Variants in ZFHX3 observed in about 807,000 individuals in gnomAD.
ZFHX3 encodes the protein zinc finger homeobox 3.
Under a neutral mutation model 279.1 loss-of-function variants are expected in ZFHX3, and 42 were observed. The ratio of observed to expected loss-of-function variants is 0.15; its 90% CI spans 0.12 to 0.19. The LOEUF (loss-of-function observed/expected upper bound fraction) is 0.19. Ranked by LOEUF, ZFHX3 falls within the 10% of genes least tolerant of loss-of-function variation. ZFHX3 has a pLI of 1.00. For missense variants in ZFHX3, 4,981 were observed against 4,754.0 expected (o/e 1.05, Z -1.40); for synonymous variants, 2,293 against 1,957.8 (o/e 1.17, Z -4.52).
In ZFHX3 at chr16:73,614,438, C is replaced by T. The variant is rs535265604; in HGVS notation, c.-1547+65742G>A. 1.1e-4 allele frequency among the ~76,000 whole-genome samples: 17 copies of T among 152,212 alleles called. No homozygotes were observed. In the South Asian group the frequency reaches 3.5e-3, roughly 32 times the overall value. On this transcript the variant is annotated intron_variant, in intron 2 of 17. Transcript: ENST00000641206. ...GTTGGTTTTTTGAAAGATGTAAATA[C>T]CATTTGGTCCCCTTTTTTCTCCTTT...
At chr16:73,619,577 C>T (rs2052338681) in intron 2 of ZFHX3, among the ~76,000 whole-genome samples, 1 of 151,452 alleles carries the variant, frequency 6.6e-6, no homozygotes, top group Admixed American at 6.6e-5. Flanking sequence ...CTCAGAGAGT[C>T]AATGTTCTTT....
At chr16:72,814,888 C>A (rs2036559701) in intron 5 of ZFHX3, among the ~76,000 whole-genome samples, 2 of 152,192 alleles carry the variant, frequency 1.3e-5, no homozygotes, top group Non-Finnish European at 2.9e-5. Flanking sequence ...CTGCAGCTCA[C>A]TGGCCCCTTC....
rs1476430151 is a variant in ZFHX3 at position 72,788,168 on chromosome 16, T to G, written c.10108A>C (p.Ser3370Arg). 1 of 1,612,400 alleles carries G rather than the reference T, an allele frequency of 6.2e-7. No homozygotes were observed. The highest frequency in any genetic ancestry group is 8.5e-7 in the Non-Finnish European group (1 of 1,179,352). ...TGCTGCTGAATTGCCTCCTGCAGAC[T>G]CTGCTGGTATTGCTGGTACTGCTGC... is the stretch of plus-strand genomic sequence containing the variant. ...LLQQYQQYQQ[S>R]LQEAIQQQQQ... The change falls in exon 10 of 10, where the codon AGT (serine) becomes CGT (arginine). Residue 3370 changes from serine (S) to arginine (R), a missense_variant. Physicochemically the swap from Ser to Arg is moderately radical, Grantham distance 110 (BLOSUM62 -1). Transcript: ENST00000268489.
intron 1 of ZFHX3, among the ~76,000 whole-genome samples, chr16:73,026,150 T>C (rs529924421): frequency 1.0e-3 from 122 of 122,144 alleles, no homozygotes; most frequent in Middle Eastern, 9.3e-3. Flanking sequence ...AGTTCGAGAA[T>C]AGCCTGGCCA....
At chr16:72,847,054 G>A (rs769759857) in intron 4 of ZFHX3, among the ~76,000 whole-genome samples, 2 of 152,120 alleles carry the variant, frequency 1.3e-5, no homozygotes, top group African/African-American at 2.4e-5. Flanking sequence ...TAGTTACTGC[G>A]GTGCAAATGC....
chr16:73,562,657 A>G (rs992112871), intron 2 of ZFHX3, among the ~76,000 whole-genome samples: 1 of 151,786 alleles, frequency 6.6e-6, no homozygotes, highest in East Asian at 1.9e-4. Flanking sequence ...GTCTCACCAG[A>G]GAAGGCAGAG....
chr16:73,749,128 A>T (rs1021473046), intron 1 of ZFHX3, among the ~76,000 whole-genome samples: 2 of 152,040 alleles, frequency 1.3e-5, no homozygotes, highest in African/African-American at 4.8e-5. Context: ...TCAGCCTTCC[A>T]AATACACTAG....
At chr16:72,988,849 G>A (rs1172974617) in intron 1 of ZFHX3, among the ~76,000 whole-genome samples, 1 of 152,088 alleles carries the variant, frequency 6.6e-6, no homozygotes, top group Non-Finnish European at 1.5e-5. Flanking sequence ...AATACTGATG[G>A]CATCATCTTG....
chr16:73,835,709 G>C (rs1045815936), intron 1 of ZFHX3, among the ~76,000 whole-genome samples: 5 of 151,902 alleles, frequency 3.3e-5, no homozygotes, highest in African/African-American at 7.3e-5. Flanking sequence ...GACCTCAGGA[G>C]ATCCACCTGC....
At chr16:73,599,306 G>A (rs984521603) in intron 2 of ZFHX3, among the ~76,000 whole-genome samples, 8 of 152,182 alleles carry the variant, frequency 5.3e-5, no homozygotes, top group African/African-American at 1.4e-4. Context: ...CCATCAGTGT[G>A]GATGTCCTCT....
intron 5 of ZFHX3, among the ~76,000 whole-genome samples, chr16:73,187,146 A>T (rs189160744): frequency 5.5e-5 from 8 of 146,590 alleles, no homozygotes; most frequent in African/African-American, 7.6e-5. Flanking sequence ...TGTATGTCTC[A>T]CACACACACA....
At chr16:73,031,438 T>C (rs1964695697) in intron 1 of ZFHX3, among the ~76,000 whole-genome samples, 1 of 152,130 alleles carries the variant, frequency 6.6e-6, no homozygotes, top group Non-Finnish European at 1.5e-5. Flanking sequence ...ATTCCAGGTA[T>C]CAGGAGGCCA....
rs1038485808 is a variant in ZFHX3, at chr16:73,716,204, G to A, written c.-1607-35964C>T. Reference sequence around the variant, plus strand: ...AGTTTAGGGGAGGGAATGGGTGGCTGGGAAGGAGTCATAAACTTACAGAAA... The same window carrying A: ...AGTTTAGGGGAGGGAATGGGTGGCTAGGAAGGAGTCATAAACTTACAGAAA... On this transcript the variant is annotated intron_variant, in intron 1 of 17. Transcript: ENST00000641206. 2.1e-5 allele frequency among the ~76,000 whole-genome samples: 3 copies of A among 139,556 alleles called. No individual in the cohort carries two copies. The East Asian group carries it at 6.5e-4, about 30-fold the overall frequency. 91.6% of individuals were successfully genotyped at this position (139,556 alleles called of 152,430 possible). A position where few individuals can be genotyped will look rare whatever the true frequency, so the allele number is the denominator to read the frequency against.
chr16:73,376,311 G>A (rs2016721826), intron 3 of ZFHX3, among the ~76,000 whole-genome samples: 1 of 152,154 alleles, frequency 6.6e-6, no homozygotes, highest in Non-Finnish European at 1.5e-5. Flanking sequence ...ATTTAAGAAG[G>A]TCATTACCGA....
intron 1 of ZFHX3, chr16:73,014,437 ATAC>A (rs1964023181): frequency 6.6e-6 from 1 of 152,062 alleles, no homozygotes; most frequent in East Asian, 1.9e-4. Context: ...AAGTTTAAAC[ATAC>A]TACATCCTTA....
At chr16:73,577,251 T>C (rs187275504) in intron 2 of ZFHX3, among the ~76,000 whole-genome samples, 19 of 152,322 alleles carry the variant, frequency 1.2e-4, no homozygotes, top group Non-Finnish European at 2.2e-4. Flanking sequence ...AGGTAGTCAA[T>C]TGAAAGGAAG....
At chr16:73,889,962 A>T (rs2030475279) in intron 1 of ZFHX3, among the ~76,000 whole-genome samples, 1 of 152,218 alleles carries the variant, frequency 6.6e-6, no homozygotes, top group Non-Finnish European at 1.5e-5. Flanking sequence ...CTTTTTCAAT[A>T]AATTAATGTT....
intron 3 of ZFHX3, among the ~76,000 whole-genome samples, chr16:72,924,611 C>T (rs913706371): frequency 6.6e-5 from 10 of 152,156 alleles, no homozygotes; most frequent in Admixed American, 6.5e-4. Context: ...AGAGAGGCCG[C>T]GGCTGGGTGC....
chr16:73,726,978 G>C (rs939964778), intron 1 of ZFHX3, among the ~76,000 whole-genome samples: 1 of 152,180 alleles, frequency 6.6e-6, no homozygotes, highest in South Asian at 2.1e-4. Context: ...CATTCCCTGG[G>C]GAGAGGGCAA....
Sources: allele counts gnomAD v4.1 joint callset (sites outside exome capture counted in the v4.1 genomes callset), GRCh38; gene constraint gnomAD v4.1.1; transcripts MANE v1.5; gene names NCBI Gene and HGNC (gene_info 2026-07-23, HGNC 2026-07-21).